SCN8A: variants seen among roughly 807,000 people sequenced by gnomAD.
The protein encoded by SCN8A is sodium channel protein type 8 subunit alpha.
Under a neutral mutation model 184.1 loss-of-function variants are expected in SCN8A, and 30 were observed. The observed-to-expected ratio is 0.16, with a 90% confidence interval of 0.12 to 0.22. The LOEUF is 0.22. Among genes scored for constraint, SCN8A ranks in the 10% least tolerant of loss-of-function variants. The pLI is 1.00. For missense variants in SCN8A, 1,057 were observed against 2,498.9 expected, an observed-to-expected ratio of 0.42 and a Z score of 12.30; for synonymous variants, 852 against 907.0, an observed-to-expected ratio of 0.94 and a Z score of 1.09.
Position 51,599,537 on chromosome 12 carries a change from A to G in SCN8A, c.-55+8178A>G, listed in dbSNP as rs983256718. Among the ~76,000 whole-genome samples, 6 of 152,334 alleles carry G rather than the reference A, an allele frequency of 3.9e-5. No individual in the cohort carries two copies. The South Asian group carries it at 1.2e-3, about 32-fold the overall frequency. ...GCAGATAAGCCTGCAAAGATAGGAT[A>G]GAGTTAGCCAAATATTAAGGACTTT... On this transcript the variant is annotated intron_variant, in intron 1 of 26. Coordinates refer to ENST00000627620, the MANE Select transcript of SCN8A (RefSeq NM_001330260.2).
chr12:51,644,918 C>T (rs1378999111), intron 1 of SCN8A, among the ~76,000 whole-genome samples: 1 of 151,352 alleles, frequency 6.6e-6, no homozygotes, highest in African/African-American at 2.4e-5. Flanking sequence ...AGACCCTCCG[C>T]CCGGCAGCCG....
In SCN8A at chr12:51,809,029, C is replaced by T. The variant is rs1408819757; in HGVS notation, c.*1600C>T. 6.6e-6 allele frequency: 1 copy of T among 152,198 alleles called. No individual in the cohort carries two copies. The highest frequency in any genetic ancestry group is 6.5e-5 in the Admixed American group (1 of 15,282). The allele number at this position is 152,198 out of a possible 1,614,324, so 9.4% of individuals were successfully genotyped here. ...TACTGCACTGGTTTTCATGAGAAAG[C>T]AATTTAATATTAATTCTTTAGGATG... is the stretch of plus-strand genomic sequence containing the variant. On this transcript the variant is annotated 3_prime_UTR_variant, in exon 27 of 27. Transcript: ENST00000627620.
intron 25 of SCN8A, among the ~76,000 whole-genome samples, chr12:51,793,816 C>T (rs1451961016): frequency 6.6e-6 from 1 of 151,998 alleles, no homozygotes; most frequent in Non-Finnish European, 1.5e-5. Flanking sequence ...CCACTGCACT[C>T]CAGCCTGGGC....
intron 14 of SCN8A, among the ~76,000 whole-genome samples, chr12:51,751,977 T>C (rs1202002985): frequency 6.6e-6 from 1 of 152,134 alleles, no homozygotes; most frequent in Non-Finnish European, 1.5e-5. Context: ...AAGTAACATC[T>C]ACCACAAAAT....
rs969056931 is a variant in SCN8A at position 51,806,019 on chromosome 12, G to C, written c.4796-263G>C. On this transcript the variant is annotated intron_variant, in intron 26 of 26. Coordinates refer to ENST00000627620, the MANE Select transcript of SCN8A (RefSeq NM_001330260.2). The surrounding 1 kb of genome is among the most constrained non-coding windows in gnomAD (Gnocchi z 8.7). ...AATTTTTTATTTTCAGTAGAGACAG[G>C]GTTTCACCATGTTGGCCAGGCTGGT... Among the ~76,000 whole-genome samples the C allele has an allele frequency of 3.9e-5, 6 of 151,966 alleles. No homozygotes were observed. Among genetic ancestry groups the C allele is most frequent in the Admixed American group, 3.3e-4 (5 of 15,248 alleles).
intron 16 of SCN8A, among the ~76,000 whole-genome samples, chr12:51,767,601 A>G (rs760189172): frequency 6.6e-5 from 10 of 152,220 alleles, no homozygotes; most frequent in Non-Finnish European, 1.3e-4. Flanking sequence ...CACCTGCATC[A>G]TAATTACACA....
At chr12:51,676,857 T>C (rs1311468038) in intron 2 of SCN8A, among the ~76,000 whole-genome samples, 1 of 152,174 alleles carries the variant, frequency 6.6e-6, no homozygotes, top group East Asian at 1.9e-4. Context: ...TTTGCCCTAG[T>C]TGAGATGTTG....
intron 7 of SCN8A, 52 bp downstream of exon 7, chr12:51,699,843 A>G (rs1941655063): frequency 6.1e-6 from 9 of 1,485,660 alleles, no homozygotes; most frequent in South Asian, 1.2e-5. Context: ...TTCCTAGTTC[A>G]CATGGTCAGA....
intron 13 of SCN8A, among the ~76,000 whole-genome samples, chr12:51,746,930 C>A (rs1472201615): frequency 2.0e-5 from 3 of 152,196 alleles, no homozygotes; most frequent in Non-Finnish European, 4.4e-5. Context: ...CATTGTAGAT[C>A]TAGACTATTC....
chr12:51,672,240 C>G (rs1941145008), intron 2 of SCN8A, among the ~76,000 whole-genome samples: 1 of 152,160 alleles, frequency 6.6e-6, no homozygotes, highest in Non-Finnish European at 1.5e-5. Flanking sequence ...ACCACATACA[C>G]ATATCTACCC....
chr12:51,744,518 T>A (rs181254173), intron 12 of SCN8A, among the ~76,000 whole-genome samples: 5 of 152,202 alleles, frequency 3.3e-5, no homozygotes, highest in Admixed American at 6.5e-5. Flanking sequence ...TTTTTTTTCC[T>A]GTATTTCTTC....
rs559053900 is a variant in SCN8A at position 51,645,062 on chromosome 12, G to A, written c.-54-17702G>A. ...AGCCCCCCACCCGGCCAGCCGCCCC[G>A]TCCGGGAGGGAGGTGGGGGGATCAG... On this transcript the variant is annotated intron_variant, in intron 1 of 26. Transcript: ENST00000627620. Among the ~76,000 whole-genome samples, 37 of 149,474 alleles carry A rather than the reference G, an allele frequency of 2.5e-4. No individual in the cohort carries two copies. The East Asian group carries it at 4.5e-3, about 18-fold the overall frequency.
intron 1 of SCN8A, among the ~76,000 whole-genome samples, chr12:51,661,046 G>A (rs1457443685): frequency 6.6e-6 from 1 of 152,146 alleles, no homozygotes; most frequent in African/African-American, 2.4e-5. Context: ...GGAGTAGTGG[G>A]ACATAGCAAA....
intron 12 of SCN8A, among the ~76,000 whole-genome samples, chr12:51,727,570 G>A (rs1413856461): frequency 6.6e-6 from 1 of 152,092 alleles, no homozygotes; most frequent in African/African-American, 2.4e-5. Context: ...TACATCTCAC[G>A]GAAGCCCAAG....
At chr12:51,684,137 A>C in intron 2 of SCN8A, 37 bp from the exon 3 acceptor site, 2 of 1,004,882 alleles carry the variant, frequency 2.0e-6, no homozygotes. Context: ...ACTCATACCC[A>C]TGCTTTAATA....
chr12:51,765,163 A>G (rs922337556), intron 15 of SCN8A, among the ~76,000 whole-genome samples: 4 of 152,018 alleles, frequency 2.6e-5, no homozygotes, highest in Non-Finnish European at 4.4e-5. Flanking sequence ...TTCCAAGCAT[A>G]TCACAACGGT....
chr12:51,796,344 T>C (rs530677570), intron 26 of SCN8A, among the ~76,000 whole-genome samples: 1 of 152,288 alleles, frequency 6.6e-6, no homozygotes, highest in South Asian at 2.1e-4. Context: ...AAACACACTT[T>C]GGACAATGCT....
At chr12:51,794,677 G>A in intron 26 of SCN8A, 36 bp downstream of exon 26, 2 of 1,592,074 alleles carry the variant, frequency 1.3e-6, no homozygotes, top group Non-Finnish European at 8.6e-7. Flanking sequence ...AGGGGAAAGG[G>A]GACCTGACTG....
At chr12:51,706,349 A>G (rs1941782744) in intron 10 of SCN8A, 73 bp from the exon 11 acceptor site, 1 of 1,405,436 alleles carries the variant, frequency 7.1e-7, no homozygotes, top group Non-Finnish European at 9.4e-7. Flanking sequence ...AATGTTCTGT[A>G]CTAACTGGTT....
Sources: gnomAD v4.1 joint callset for allele counts (sites outside exome capture counted in the v4.1 genomes callset) on GRCh38, gnomAD v4.1.1 for gene constraint, Gnocchi (gnomAD v3.1) non-coding constraint, MANE v1.5 for transcripts, NCBI Gene and HGNC (gene_info 2026-07-23, HGNC 2026-07-21) for gene names.